The following FAM217B variants were observed in gnomAD, a reference collection of about 807,000 sequenced individuals.
FAM217B encodes protein FAM217B.
For synonymous variants in FAM217B, 163 were observed against 173.0 expected (o/e 0.94, Z 0.45); for missense variants, 463 against 456.9 (o/e 1.01, Z -0.12).
In FAM217B at chr20:59,944,828, G is replaced by T; in HGVS notation, c.885G>T (p.Lys295Asn). Residue 295 changes from lysine to asparagine, a missense_variant, in exon 4 of 4, where the codon AAG becomes AAT. Physicochemically the swap from Lys to Asn is moderately conservative, Grantham distance 94. Transcript: ENST00000360816. ...TLEMRTEEKK[K>N]KSSKSTKLQR... is the part of the protein sequence containing the mutation. Reference sequence around the variant, plus strand: ...AAATGAGGACAGAAGAAAAGAAAAAGAAATCAAGTAAGAGTACGAAGCTGC... The same window carrying T: ...AAATGAGGACAGAAGAAAAGAAAAATAAATCAAGTAAGAGTACGAAGCTGC... The T allele has an allele frequency of 6.2e-7, 1 of 1,614,184 alleles. No individual in the cohort carries two copies. The highest frequency in any genetic ancestry group is 2.2e-5 in the East Asian group (1 of 44,876).
rs957381323 is a variant in FAM217B, at chr20:59,944,295, C to G, written c.352C>G (p.Arg118Gly). ...SPLTPPDLNL[R>G]AEEIDPVYFD... ...CCTCACACCTCCAGATCTCAATCTT[C>G]GAGCTGAAGAAATTGATCCAGTTTA... Residue 118 changes from arginine to glycine, a missense_variant, in exon 4 of 4, where the codon CGA (arginine) becomes GGA (glycine). Physicochemically the swap from Arg to Gly is moderately radical, Grantham distance 125. Transcript: ENST00000360816. The G allele has an allele frequency of 1.2e-6, 2 of 1,614,122 alleles. No individual in the cohort carries two copies. The highest frequency in any genetic ancestry group is 1.7e-5 in the Admixed American group (1 of 60,018).
Position 59,944,248 on chromosome 20 carries a change from G to A in FAM217B, c.305G>A (p.Arg102Lys), listed in dbSNP as rs936173181. Reference protein sequence around the residue: ...DSASDLSDSERIPIPPSPLTP... With the variant: ...DSASDLSDSEKIPIPPSPLTP... ...GCAAGTGATCTCTCTGATTCGGAAA[G>A]AATTCCCATTCCTCCTTCTCCCCTC... Residue 102 changes from arginine to lysine, a missense_variant, in exon 4 of 4, where the codon AGA becomes AAA. By Grantham distance (26) the Arg-to-Lys change is conservative (BLOSUM62 2). Coordinates refer to ENST00000360816, the MANE Select transcript of FAM217B (RefSeq NM_022106.3). The A allele has an allele frequency of 4.3e-6, 7 of 1,614,028 alleles. No individual in the cohort carries two copies. The highest frequency in any genetic ancestry group is 5.9e-6 in the Non-Finnish European group (7 of 1,180,032).
rs141627072 is a variant in FAM217B, at chr20:59,944,644, C to T, written c.701C>T (p.Pro234Leu). Residue 234 changes from proline to leucine, a missense_variant, in exon 4 of 4, where the codon CCA (proline) becomes CTA (leucine). Transcript: ENST00000360816. ...SKLIASALSK[P>L]LPHQEGASKS... is the part of the protein sequence containing the mutation. ...CTAATTGCTAGTGCTCTGTCCAAGC[C>T]ACTACCTCACCAGGAAGGGGCTTCA... The T allele has an allele frequency of 2.3e-4, 372 of 1,614,092 alleles. 1 individual carries two copies. Among genetic ancestry groups the T allele is most frequent in the Middle Eastern group, 3.3e-4 (2 of 6,062 alleles).
At chr20:59,939,290 G>A (rs142916798), upstream of FAM217B, 1 of 1,612,360 alleles carries the variant, frequency 6.2e-7, no homozygotes, top group African/African-American at 1.3e-5. Context: ...CGTGGGTACT[G>A]CGCCAGCCCG....
intron 1 of FAM217B, among the ~76,000 whole-genome samples, chr20:59,935,115 A>C (rs1344554327): frequency 6.6e-6 from 1 of 152,210 alleles, no homozygotes; most frequent in Non-Finnish European, 1.5e-5. Context: ...TATAACACAA[A>C]ATGTAAGAAG....
At chr20:59,938,766 C>T, upstream of FAM217B, 1 of 328,386 alleles carries the variant, frequency 3.0e-6, no homozygotes, top group Non-Finnish European at 5.5e-6. Context: ...GGCCCACCCT[C>T]CCATGCACCT....
At chr20:59,937,033 A>G (rs1362585062), upstream of FAM217B, 2 of 152,656 alleles carry the variant, frequency 1.3e-5, no homozygotes, top group Non-Finnish European at 2.9e-5. Context: ...AATATATTTA[A>G]GCTTTTAAAT....
upstream of FAM217B, among the ~76,000 whole-genome samples, chr20:59,936,288 C>A (rs1047638877): frequency 6.6e-6 from 1 of 152,208 alleles, no homozygotes; most frequent in Non-Finnish European, 1.5e-5. Context: ...TGTACTTACA[C>A]CACTCTGAGC....
At chr20:59,935,206 A>C (rs188645008) in intron 1 of FAM217B, among the ~76,000 whole-genome samples, 1 of 152,324 alleles carries the variant, frequency 6.6e-6, no homozygotes, top group African/African-American at 2.4e-5. Context: ...TAGATCTAAG[A>C]TCCTTCATGG....
At chr20:59,940,767 T>C (rs545128220) in intron 1 of FAM217B, among the ~76,000 whole-genome samples, 22 of 152,264 alleles carry the variant, frequency 1.4e-4, no homozygotes, top group African/African-American at 4.8e-4. Flanking sequence ...CCTGGACCCT[T>C]GGTCAGACCG....
chr20:59,939,739 G>A (rs1259872084), upstream of FAM217B: 34 of 1,245,060 alleles, frequency 2.7e-5, no homozygotes, highest in Non-Finnish European at 3.4e-5. Flanking sequence ...ATGATGGGCC[G>A]CAGGCGGGGG....
At chr20:59,943,840 C>CA (rs1181459970) in intron 3 of FAM217B, 100 bp from the exon 4 acceptor site, 116 of 1,019,570 alleles carry the variant, frequency 1.1e-4, no homozygotes, top group South Asian at 1.6e-4. Flanking sequence ...ATAGCTGAGA[C>CA]AAAAAAAAGT....
intron 1 of FAM217B, among the ~76,000 whole-genome samples, chr20:59,941,961 A>G (rs6027209): frequency 0.016 from 2,368 of 152,296 alleles, 72 homozygotes; most frequent in African/African-American, 0.054. Context: ...TAGTAGTGTG[A>G]TCCTGTGATC....
intron 3 of FAM217B, among the ~76,000 whole-genome samples, chr20:59,943,073 C>T (rs1176096928): frequency 6.6e-6 from 1 of 152,160 alleles, no homozygotes; most frequent in Non-Finnish European, 1.5e-5. Context: ...TTCTATCTGA[C>T]TTATATTACA....
Position 59,945,030 on chromosome 20 carries a change from A to G in FAM217B, c.1087A>G (p.Thr363Ala), listed in dbSNP as rs745321237. 6.2e-7 allele frequency: 1 copy of G among 1,612,138 alleles called. No homozygotes were observed. The highest frequency in any genetic ancestry group is 8.5e-7 in the Non-Finnish European group (1 of 1,179,526). The part of the protein sequence containing the change: ...KGKAESCGHA[T>A]VSSEKKLKTN... ...AAAGGCAGAGAGCTGTGGTCATGCC[A>G]CTGTATCGAGTGAGAAAAAACTGAA... is the stretch of plus-strand genomic sequence containing the variant. The change falls in exon 4 of 4, where the codon ACT becomes GCT. Residue 363 changes from threonine (T) to alanine (A), a missense_variant. By Grantham distance (58) the Thr-to-Ala change is moderately conservative. Transcript: ENST00000360816.
upstream of FAM217B, chr20:59,939,110 G>C: frequency 6.2e-7 from 1 of 1,602,308 alleles, no homozygotes; most frequent in Non-Finnish European, 8.5e-7. Context: ...TGAGGCTGTA[G>C]TCTCGGTGGT....
rs2060948847 is a variant in FAM217B at position 59,948,211 on chromosome 20, G to A, written c.*3116G>A. 6.0e-6 allele frequency: 1 copy of A among 167,002 alleles called. No homozygotes were observed. Among genetic ancestry groups the A allele is most frequent in the South Asian group, 2.1e-4 (1 of 4,826 alleles). The allele number at this position is 167,002 out of a possible 1,614,324, so 10.3% of individuals were successfully genotyped here. On this transcript the variant is annotated 3_prime_UTR_variant, in exon 4 of 4. Coordinates refer to ENST00000360816, the MANE Select transcript of FAM217B (RefSeq NM_022106.3). ...AACTTCTTAGATGACTAAATGGGCT[G>A]AAGACTTGTAACTAACTTGAATAGG... is the stretch of plus-strand genomic sequence containing the variant.
At chr20:59,936,473 C>T (rs956831475), upstream of FAM217B, among the ~76,000 whole-genome samples, 34 of 152,198 alleles carry the variant, frequency 2.2e-4, no homozygotes, top group Admixed American at 1.3e-3. Context: ...GTGAGGGTCA[C>T]GATCCGGAAG....
rs1174034400 is a variant in FAM217B, at chr20:59,945,280, T to C, written c.*185T>C. On this transcript the variant is annotated 3_prime_UTR_variant, in exon 4 of 4. Coordinates refer to ENST00000360816, the MANE Select transcript of FAM217B (RefSeq NM_022106.3). ...ATTTTCAAAGGGAAGTGTCTTTCAA[T>C]AAGCCTTTCTTTGTATTGTCAGTCT... The C allele has an allele frequency of 7.2e-6, 4 of 552,896 alleles. No individual in the cohort carries two copies. The highest frequency in any genetic ancestry group is 1.3e-5 in the Non-Finnish European group (4 of 312,614). 34.2% of individuals were successfully genotyped at this position (552,896 alleles called of 1,614,324 possible). A position where few individuals can be genotyped will look rare whatever the true frequency, so the allele number is the denominator to read the frequency against.
Sources: gnomAD v4.1 joint callset for allele counts (sites outside exome capture counted in the v4.1 genomes callset) on GRCh38, gnomAD v4.1.1 for gene constraint, MANE v1.5 for transcripts, NCBI Gene and HGNC (gene_info 2026-07-23, HGNC 2026-07-21) for gene names.